Variants in STARD10 observed in about 807,000 individuals in gnomAD.
The protein encoded by STARD10 is START domain-containing protein 10.
In STARD10, 24 loss-of-function variants were observed where a neutral mutation model predicts 36.0. The observed-to-expected ratio is 0.67, with a 90% CI of 0.48 to 0.94. STARD10 has a LOEUF of 0.94. STARD10 is among the 40% of genes least tolerant of loss of function. The pLI, the probability that STARD10 is intolerant of heterozygous loss-of-function variation, is 0.00. For missense variants in STARD10, 335 were observed against 396.6 expected, an observed-to-expected ratio of 0.84 and a Z score of 1.32; for synonymous variants, 156 against 161.9, an observed-to-expected ratio of 0.96 and a Z score of 0.28.
chr11:72,790,020 A>C (rs2135043026), intron 1 of STARD10, among the ~76,000 whole-genome samples: 1 of 152,270 alleles, frequency 6.6e-6, no homozygotes, highest in East Asian at 1.9e-4. Context: ...GCTGCCTCAG[A>C]CTGATGAAGG....
At chr11:72,755,181 G>A (rs1858626873) in intron 6 of STARD10, 39 bp from the exon 7 acceptor site, 1 of 1,577,234 alleles carries the variant, frequency 6.3e-7, no homozygotes, top group Non-Finnish European at 8.6e-7. Flanking sequence ...GGGGTGGCTA[G>A]GGGGCAGGTC....
intron 1 of STARD10, among the ~76,000 whole-genome samples, chr11:72,784,897 C>G (rs1346579931): frequency 3.3e-5 from 5 of 152,242 alleles, no homozygotes; most frequent in Non-Finnish European, 7.3e-5. Flanking sequence ...CTGGGCAGGC[C>G]TGGATCTCAC....
intron 2 of STARD10, among the ~76,000 whole-genome samples, chr11:72,763,818 A>G (rs1169052882): frequency 6.6e-6 from 1 of 152,196 alleles, no homozygotes; most frequent in Non-Finnish European, 1.5e-5. Flanking sequence ...AGGTCCAGGC[A>G]CTGCCCCAAA....
At chr11:72,789,695 G>A (rs1859117391) in intron 1 of STARD10, among the ~76,000 whole-genome samples, 1 of 152,118 alleles carries the variant, frequency 6.6e-6, no homozygotes, top group South Asian at 2.1e-4. Context: ...ATTCTCTAGG[G>A]GCTCTGTCTG....
chr11:72,755,965 T>G, intron 5 of STARD10: 1 of 492,982 alleles, frequency 2.0e-6, no homozygotes, highest in Non-Finnish European at 3.6e-6. Context: ...ACTTTCCCTC[T>G]GCCCAGCCTC....
Position 72,781,363 on chromosome 11 carries a change from C to T in STARD10, c.-113-69G>A, listed in dbSNP as rs1386862071. On this transcript the variant is annotated intron_variant, in intron 1 of 6. Transcript: ENST00000334805. This position sits in a 1 kb window ranked among gnomAD's most constrained non-coding sequence, Gnocchi z 4.7. ...CGGGTGGGGCTGTTCGGGGTCCTGG[C>T]GGGTGGGGAGCTGGAGAGAGGTAGG... 3.0e-5 allele frequency: 18 copies of T among 601,250 alleles called. No individual in the cohort carries two copies. The highest frequency in any genetic ancestry group is 5.0e-5 in the Non-Finnish European group (17 of 339,354). The allele number at this position is 601,250 out of a possible 1,614,324, so 37.2% of individuals were successfully genotyped here. A position where few individuals can be genotyped will look rare whatever the true frequency, so the allele number is the denominator to read the frequency against.
chr11:72,777,920 C>T (rs190057843), intron 2 of STARD10, among the ~76,000 whole-genome samples: 1 of 152,242 alleles, frequency 6.6e-6, no homozygotes, highest in East Asian at 1.9e-4. Context: ...GGGGACAGGC[C>T]CAGAGCAGGC....
chr11:72,759,349 C>A lies in STARD10; in HGVS notation c.240G>T (p.Glu80Asp). Residue 80 changes from glutamate to aspartate, a missense_variant, in exon 3 of 7, where the codon GAG becomes GAT. Glu to Asp is a conservative substitution (Grantham distance 45, BLOSUM62 2). Transcript: ENST00000334805. ...TGTCGTGTAGGACGTCGTAGAGTGTCTCGGCTGGCACATCACAGCACTCCA... is the reference window on the plus strand; with the variant it reads ...TGTCGTGTAGGACGTCGTAGAGTGTATCGGCTGGCACATCACAGCACTCCA... ...CRMECCDVPA[E>D]TLYDVLHDIE... is the part of the protein sequence containing the mutation. 6.2e-7 allele frequency: 1 copy of A among 1,613,852 alleles called. No homozygotes were observed. The highest frequency in any genetic ancestry group is 8.5e-7 in the Non-Finnish European group (1 of 1,179,914).
At chr11:72,789,571 C>T (rs1203151196) in intron 1 of STARD10, among the ~76,000 whole-genome samples, 1 of 152,238 alleles carries the variant, frequency 6.6e-6, no homozygotes, top group African/African-American at 2.4e-5. Context: ...CATGCTGGGA[C>T]AGCAGTGAGG....
At chr11:72,757,551 C>T (rs981698136) in intron 5 of STARD10, among the ~76,000 whole-genome samples, 5 of 152,212 alleles carry the variant, frequency 3.3e-5, no homozygotes, top group African/African-American at 1.2e-4. Context: ...AAAAGTGCTC[C>T]CAGCTTCATC....
At chr11:72,772,426 G>A (rs1858874923) in intron 2 of STARD10, among the ~76,000 whole-genome samples, 2 of 152,106 alleles carry the variant, frequency 1.3e-5, no homozygotes, top group Admixed American at 1.3e-4. Context: ...CATGGCTCTG[G>A]ACTTGTCCCT....
chr11:72,768,449 C>T (rs573904868), intron 2 of STARD10, among the ~76,000 whole-genome samples: 158 of 151,880 alleles, frequency 1.0e-3, no homozygotes, highest in African/African-American at 3.4e-3. Context: ...ACACTCCCCC[C>T]GCCCCCCAAA....
At chr11:72,784,854 G>A (rs552767851) in intron 1 of STARD10, among the ~76,000 whole-genome samples, 2 of 152,356 alleles carry the variant, frequency 1.3e-5, no homozygotes, top group African/African-American at 4.8e-5. Flanking sequence ...CTGAGAAGCG[G>A]CGTGGGAATG....
In STARD10 at chr11:72,760,609, A is replaced by G. The variant is rs568289023; in HGVS notation, c.208-1228T>C. ...CGGCCAAGGACACCTTGTTTTATTT[A>G]ACCCCCTCACCAACAACTCTGTCAG... On this transcript the variant is annotated intron_variant, in intron 2 of 6. Coordinates refer to ENST00000334805, the MANE Select transcript of STARD10 (RefSeq NM_006645.3). 1.4e-3 allele frequency among the ~76,000 whole-genome samples: 214 copies of G among 152,260 alleles called. 1 individual carries two copies. Among genetic ancestry groups the G allele is most frequent in the African/African-American group, 4.8e-3 (198 of 41,536 alleles).
At chr11:72,755,657 T>G (rs1395655860) in intron 6 of STARD10, 44 bp downstream of exon 6, 22 of 1,606,160 alleles carry the variant, frequency 1.4e-5, no homozygotes, top group Non-Finnish European at 1.8e-5. Flanking sequence ...ATAGTCCTCT[T>G]TCCAGTCTTC....
At chr11:72,760,292 T>C (rs919831814) in intron 2 of STARD10, among the ~76,000 whole-genome samples, 7 of 152,156 alleles carry the variant, frequency 4.6e-5, no homozygotes, top group Non-Finnish European at 1.0e-4. Flanking sequence ...AGTGGCGTGA[T>C]CTCGGCTCAC....
In STARD10 at chr11:72,781,979, G is replaced by C. The variant is rs2135625761; in HGVS notation, c.-113-685C>G. On this transcript the variant is annotated intron_variant, in intron 1 of 6. Transcript: ENST00000334805. This position sits in a 1 kb window ranked among gnomAD's most constrained non-coding sequence, Gnocchi z 4.7. Reference sequence around the variant, plus strand: ...CGCCGGCCCTGGGAGGGGACCCTGCGCGCGAGGGGCAAGTCCCCAGCGGGG... The same window carrying C: ...CGCCGGCCCTGGGAGGGGACCCTGCCCGCGAGGGGCAAGTCCCCAGCGGGG... The C allele has an allele frequency of 6.6e-6, 1 of 152,216 alleles. No individual in the cohort carries two copies. The highest frequency in any genetic ancestry group is 2.4e-5 in the African/African-American group (1 of 41,534). 9.4% of individuals were successfully genotyped at this position (152,216 alleles called of 1,614,324 possible).
chr11:72,775,639 C>A (rs1195125022), intron 2 of STARD10, among the ~76,000 whole-genome samples: 1 of 152,124 alleles, frequency 6.6e-6, no homozygotes, highest in Non-Finnish European at 1.5e-5. Flanking sequence ...GATTCAGATG[C>A]CCTCTCTGGA....
Position 72,758,514 on chromosome 11 carries a change from A to G in STARD10, c.459+16T>C. The G allele has an allele frequency of 1.9e-6, 3 of 1,604,820 alleles. No homozygotes were observed. The highest frequency in any genetic ancestry group is 2.6e-6 in the Non-Finnish European group (3 of 1,171,904). ...CCTCTCCCCTGCTCCACCGCAGGGA[A>G]GGCAGGTTGACTCACGGGATGTTTG... On this transcript the variant is annotated intron_variant, in intron 4 of 6. Transcript: ENST00000334805.
Sources: allele counts gnomAD v4.1 joint callset (sites outside exome capture counted in the v4.1 genomes callset), GRCh38; gene constraint gnomAD v4.1.1; non-coding constraint Gnocchi (gnomAD v3.1); transcripts MANE v1.5; gene names NCBI Gene and HGNC (gene_info 2026-07-23, HGNC 2026-07-21).